Variants in ALK observed in about 807,000 individuals in gnomAD.
ALK encodes the protein ALK tyrosine kinase receptor.
ALK carries 74 observed loss-of-function variants against 163.1 expected under a neutral mutation model. The ratio of observed to expected loss-of-function variants is 0.45; its 90% CI spans 0.38 to 0.55. ALK has a LOEUF of 0.55. Ranked by LOEUF, ALK falls within the 20% of genes least tolerant of loss-of-function variation. The pLI is 0.00. For synonymous variants in ALK, 960 were observed against 843.2 expected (o/e 1.14, Z -2.40); for missense variants, 2,063 against 2,105.3 (o/e 0.98, Z 0.39).
chr2:29,442,442 G>C (rs1198021563), intron 4 of ALK, among the ~76,000 whole-genome samples: 1 of 152,340 alleles, frequency 6.6e-6, no homozygotes, highest in East Asian at 1.9e-4. Context: ...CTTTGAGGCA[G>C]TGTGGGATGG....
At chr2:29,261,444 A>G (rs1665086848) in intron 11 of ALK, among the ~76,000 whole-genome samples, 2 of 151,958 alleles carry the variant, frequency 1.3e-5, no homozygotes, top group African/African-American at 4.8e-5. Flanking sequence ...AGAATCCTAG[A>G]AACATTTTTT....
chr2:29,678,382 A>G (rs1677953177), intron 3 of ALK, among the ~76,000 whole-genome samples: 1 of 151,776 alleles, frequency 6.6e-6, no homozygotes, highest in Non-Finnish European at 1.5e-5. Context: ...TAAAATAAAA[A>G]CTTAGGTTAT....
At chr2:29,705,282 A>ATATATATAT (rs1558451342) in intron 2 of ALK, among the ~76,000 whole-genome samples, 558 of 33,986 alleles carry the variant, frequency 0.016, 70 homozygotes, top group African/African-American at 0.018. Flanking sequence ...TATATATATA[A>ATATATATAT]ATATATATCT....
chr2:29,218,221 G>A (rs1050795197), intron 23 of ALK, among the ~76,000 whole-genome samples: 1 of 152,198 alleles, frequency 6.6e-6, no homozygotes, highest in Non-Finnish European at 1.5e-5. Flanking sequence ...GTGCTGCCTG[G>A]GTGTGCCTGG....
chr2:29,492,419 G>A (rs11687585), intron 4 of ALK, among the ~76,000 whole-genome samples: 10,673 of 152,254 alleles, frequency 0.07, 526 homozygotes, highest in Non-Finnish European at 0.11. Flanking sequence ...GGCCCTTGAT[G>A]GCTCGGGTGA....
At chr2:29,218,623 C>T (rs942266836) in intron 23 of ALK, among the ~76,000 whole-genome samples, 1 of 152,196 alleles carries the variant, frequency 6.6e-6, no homozygotes, top group East Asian at 1.9e-4. Flanking sequence ...CCTGCCATCT[C>T]CTGCCCCCGA....
At chr2:29,554,733 C>A (rs1303793488) in intron 3 of ALK, among the ~76,000 whole-genome samples, 1 of 152,200 alleles carries the variant, frequency 6.6e-6, no homozygotes, top group Non-Finnish European at 1.5e-5. Context: ...ACCTACTGGG[C>A]TGCATTCCCA....
chr2:29,857,523 C>A (rs992992994), intron 1 of ALK, among the ~76,000 whole-genome samples: 5 of 152,060 alleles, frequency 3.3e-5, no homozygotes, highest in African/African-American at 1.2e-4. Context: ...AGGTGACGGG[C>A]GGGAGAAGAG....
At chr2:29,443,127 C>T (rs555067713) in intron 4 of ALK, among the ~76,000 whole-genome samples, 1 of 152,208 alleles carries the variant, frequency 6.6e-6, no homozygotes. Context: ...ACTAAACTTT[C>T]GCTTCTTGCA....
intron 3 of ALK, among the ~76,000 whole-genome samples, chr2:29,597,414 C>A (rs184620994): frequency 6.6e-6 from 1 of 152,178 alleles, no homozygotes; most frequent in East Asian, 1.9e-4. Flanking sequence ...TATGAACCAA[C>A]GCCACTAATT....
intron 3 of ALK, among the ~76,000 whole-genome samples, chr2:29,544,356 G>C (rs1673492689): frequency 1.3e-5 from 2 of 152,270 alleles, no homozygotes; most frequent in Middle Eastern, 3.4e-3. Flanking sequence ...AAGTAAACAG[G>C]CTCTTTCACT....
At chr2:29,669,543 T>C (rs146940696) in intron 3 of ALK, among the ~76,000 whole-genome samples, 2,719 of 152,160 alleles carry the variant, frequency 0.018, 34 homozygotes, top group Middle Eastern at 0.031. Context: ...TTTATTTCTT[T>C]ATCCATTCAG....
Position 29,659,669 on chromosome 2 carries a change from C to CT in ALK, c.952+35180dup, listed in dbSNP as rs199639070. 9.6e-3 allele frequency among the ~76,000 whole-genome samples: 1,465 copies of CT among 152,274 alleles called. 25 individuals are homozygous for CT. The highest frequency in any genetic ancestry group is 0.033 in the African/African-American group (1,389 of 41,566). On this transcript the variant is annotated intron_variant, in intron 3 of 28. Coordinates refer to ENST00000389048, the MANE Select transcript of ALK (RefSeq NM_004304.5). The stretch of plus-strand genomic sequence containing the variant: ...CAGCCTACCACATAAACCAACCCAT[C>CT]TTTACATTTGCAACATCTGTCCCCA...
chr2:29,843,502 T>C (rs1010553274), intron 1 of ALK, among the ~76,000 whole-genome samples: 4 of 152,008 alleles, frequency 2.6e-5, no homozygotes, highest in Admixed American at 2.6e-4. Context: ...GAAATGTAAA[T>C]GTGATCATAT....
At chr2:29,491,325 G>A (rs1056122224) in intron 4 of ALK, among the ~76,000 whole-genome samples, 2 of 151,924 alleles carry the variant, frequency 1.3e-5, no homozygotes, top group African/African-American at 4.8e-5. Context: ...GAACAGGGCC[G>A]AGTTCATAAT....
intron 19 of ALK, 29 bp from the exon 20 acceptor site, chr2:29,223,557 G>A: frequency 1.2e-6 from 2 of 1,607,944 alleles, no homozygotes; most frequent in South Asian, 1.1e-5. Flanking sequence ...CTGCAACATG[G>A]CCTGGCAGCC....
intron 3 of ALK, among the ~76,000 whole-genome samples, chr2:29,668,397 T>A (rs550837074): frequency 2.1e-4 from 32 of 152,226 alleles, no homozygotes; most frequent in Middle Eastern, 3.4e-3. Context: ...TTTATTGCTA[T>A]AAACTCCCTG....
intron 3 of ALK, among the ~76,000 whole-genome samples, chr2:29,623,179 A>G (rs565059318): frequency 1.3e-5 from 2 of 152,214 alleles, no homozygotes; most frequent in Non-Finnish European, 2.9e-5. Flanking sequence ...AATGTTATCA[A>G]CTTTGACCCT....
intron 2 of ALK, among the ~76,000 whole-genome samples, chr2:29,700,935 G>A (rs1678714361): frequency 6.6e-6 from 1 of 152,210 alleles, no homozygotes. Flanking sequence ...GAATGTGTGA[G>A]ACTCCCAAAG....
Sources: allele counts gnomAD v4.1 joint callset (sites outside exome capture counted in the v4.1 genomes callset), GRCh38; gene constraint gnomAD v4.1.1; transcripts MANE v1.5; gene names NCBI Gene and HGNC (gene_info 2026-07-23, HGNC 2026-07-21).